MYH10: variants seen among roughly 807,000 people sequenced by gnomAD.
MYH10 encodes the protein myosin heavy chain 10, also known as myosin-10.
MYH10 carries 55 observed loss-of-function variants against 257.8 expected under a neutral mutation model. That is an observed-to-expected ratio of 0.21 (90% CI 0.17 to 0.27). MYH10 has a LOEUF of 0.27. Ranked by LOEUF, MYH10 falls within the 10% of genes least tolerant of loss-of-function variation. The pLI is 1.00. For synonymous variants in MYH10, 854 were observed against 921.7 expected, an observed-to-expected ratio of 0.93 and a Z score of 1.33; for missense variants, 1,631 against 2,500.6, an observed-to-expected ratio of 0.65 and a Z score of 7.42.
chr17:8,556,652 T>A (rs553374981), intron 7 of MYH10, among the ~76,000 whole-genome samples: 3 of 152,296 alleles, frequency 2.0e-5, no homozygotes, highest in African/African-American at 7.2e-5. Context: ...AAAAGAAACC[T>A]TTCTGGAGTA....
At chr17:8,548,135 C>T (rs548827878) in intron 11 of MYH10, among the ~76,000 whole-genome samples, 178 bp downstream of exon 11, 1 of 152,232 alleles carries the variant, frequency 6.6e-6, no homozygotes, top group Admixed American at 6.5e-5. Flanking sequence ...TACACCCTGT[C>T]CCCTGTCCTC....
intron 17 of MYH10, among the ~76,000 whole-genome samples, chr17:8,523,714 G>A (rs560373930): frequency 2.8e-4 from 42 of 152,300 alleles, no homozygotes; most frequent in Admixed American, 9.8e-4. Flanking sequence ...GGGTCTAGGC[G>A]ATGAGGGCAG....
At chr17:8,484,585 C>T (rs772606936) in intron 36 of MYH10, among the ~76,000 whole-genome samples, 4 of 152,058 alleles carry the variant, frequency 2.6e-5, no homozygotes, top group Non-Finnish European at 4.4e-5. Context: ...AAATCTTCAA[C>T]AGAATAGTAG....
chr17:8,528,277 C>T (rs945384166), intron 17 of MYH10, among the ~76,000 whole-genome samples: 6 of 152,152 alleles, frequency 3.9e-5, no homozygotes, highest in African/African-American at 1.2e-4. Context: ...GTCTCAATTA[C>T]CCTATTACCC....
At position 8,548,323 on chromosome 17, in the gene MYH10, T is replaced by C; in HGVS notation, c.1149A>G (p.Pro383=). 1 of 1,609,438 alleles carries C rather than the reference T, an allele frequency of 6.2e-7. No individual in the cohort carries two copies. The highest frequency in any genetic ancestry group is 8.5e-7 in the Non-Finnish European group (1 of 1,176,688). The stretch of plus-strand genomic sequence containing the variant: ...TATTCATCAGTTTACCTGTATTTTC[T>C]GGCATGGAAGCTTGATCAGTATTTC... ...KERNTDQASM[P]ENTVAQKLCH... Residue 383 remains proline, a synonymous_variant, in exon 11 of 43, where the codon CCA becomes CCG. Coordinates refer to ENST00000360416, the MANE Select transcript of MYH10 (RefSeq NM_001256012.3).
intron 3 of MYH10, among the ~76,000 whole-genome samples, chr17:8,589,749 G>C (rs1352740871): frequency 6.6e-6 from 1 of 152,164 alleles, no homozygotes; most frequent in Non-Finnish European, 1.5e-5. Context: ...TGATTTTAAA[G>C]TGATTAATAA....
chr17:8,501,295 A>G (rs1917467985), intron 28 of MYH10, among the ~76,000 whole-genome samples: 1 of 152,172 alleles, frequency 6.6e-6, no homozygotes, highest in Admixed American at 6.5e-5. Flanking sequence ...TCTTTAAAAA[A>G]AAACCAAAAA....
intron 14 of MYH10, among the ~76,000 whole-genome samples, chr17:8,540,504 C>T (rs1312573644): frequency 1.3e-5 from 2 of 152,072 alleles, no homozygotes; most frequent in African/African-American, 4.8e-5. Context: ...TTGTGAGACT[C>T]ATTTAAAGGT....
chr17:8,513,958 A>G, intron 21 of MYH10, 64 bp from the exon 22 acceptor site: 1 of 1,396,058 alleles, frequency 7.2e-7, no homozygotes, highest in East Asian at 2.5e-5. Flanking sequence ...TGTTGTCATA[A>G]GAAGCCTTTC....
chr17:8,475,831 GT>G lies in MYH10; in HGVS notation c.5996del (p.Asn1999ThrfsTer44). The G allele has an allele frequency of 6.2e-7, 1 of 1,614,172 alleles. No homozygotes were observed. Among genetic ancestry groups the G allele is most frequent in the Admixed American group, 1.7e-5 (1 of 60,012 alleles). ...DDTESKTSDV[N>X]ETQPPQSE ...ACTCTGACTGGGGTGGCTGCGTCTCGTTGACATCACTGGTCTTACTTTCTGT... is the reference window on the plus strand; with the variant it reads ...ACTCTGACTGGGGTGGCTGCGTCTCGTGACATCACTGGTCTTACTTTCTGT... On this transcript the variant is annotated frameshift_variant, in exon 43 of 43. Transcript: ENST00000360416. LOFTEE classifies it high-confidence loss of function.
Position 8,495,140 on chromosome 17 carries a change from T to C in MYH10, c.4053A>G (p.Thr1351=), listed in dbSNP as rs546912571. 1.0e-5 allele frequency: 16 copies of C among 1,579,602 alleles called. No individual in the cohort carries two copies. The East Asian group carries it at 2.9e-4, about 29-fold the overall frequency. The change falls in exon 31 of 43, where the codon ACA becomes ACG. Residue 1351 remains threonine (T), a synonymous_variant. Transcript: ENST00000360416. ...AASLESQLQD[T]QELLQEETRQ... is the part of the protein sequence containing the mutation. ...CCCCTTGCTCCCCAGGGAATACCTG[T>C]GTATCCTGTAGTTGAGACTCAAGAC...
At position 8,506,386 on chromosome 17, in the gene MYH10, C is replaced by T; in HGVS notation, c.3318G>A (p.Gln1106=). The change falls in exon 27 of 43, where the codon CAG becomes CAA. Residue 1106 remains glutamine (Q), a synonymous_variant. Transcript: ENST00000360416. The surrounding 1 kb of genome is among the most constrained non-coding windows in gnomAD (Gnocchi z 5.0). ...GCAGCTTGAGCTCATCAATCTGCGC[C>T]TGCAGCTCTGCGATCTGGTCCTGCA... ...TDLQDQIAEL[Q]AQIDELKLQL... is the part of the protein sequence containing the mutation. 2.5e-6 allele frequency: 4 copies of T among 1,611,924 alleles called. No homozygotes were observed. Among genetic ancestry groups the T allele is most frequent in the Non-Finnish European group, 2.5e-6 (3 of 1,179,402 alleles).
At chr17:8,568,591 A>T (rs1010695233) in intron 7 of MYH10, among the ~76,000 whole-genome samples, 1 of 151,972 alleles carries the variant, frequency 6.6e-6, no homozygotes, top group Non-Finnish European at 1.5e-5. Context: ...GAGCAGGGAG[A>T]AAAAAAAGGG....
intron 20 of MYH10, 33 bp downstream of exon 20, chr17:8,518,848 C>A (rs1199195528): frequency 1.2e-6 from 2 of 1,603,444 alleles, no homozygotes; most frequent in South Asian, 2.3e-5. Flanking sequence ...TAGATTAAAT[C>A]TACAAGCCAG....
intron 2 of MYH10, among the ~76,000 whole-genome samples, chr17:8,605,191 T>C (rs2084750983): frequency 6.6e-6 from 1 of 152,176 alleles, no homozygotes; most frequent in African/African-American, 2.4e-5. Flanking sequence ...GCTTATTAAG[T>C]GGCACTCTGC....
chr17:8,484,116 A>AACGG (rs770932856), intron 37 of MYH10, 22 bp downstream of exon 37: 8 of 888,946 alleles, frequency 9.0e-6, no homozygotes, highest in South Asian at 5.9e-5. Context: ...TTGTTGAACA[A>AACGG]ATGGATAAGT....
At chr17:8,571,179 G>GTTTTTTTTTTT (rs68138748) in intron 6 of MYH10, among the ~76,000 whole-genome samples, 1 of 144,688 alleles carries the variant, frequency 6.9e-6, no homozygotes, top group Non-Finnish European at 1.5e-5. Context: ...TAAAGTTTTT[G>GTTTTTTTTTTT]TTTTTTTTTT....
chr17:8,541,044 A>G (rs1452099028), intron 14 of MYH10, among the ~76,000 whole-genome samples: 1 of 152,214 alleles, frequency 6.6e-6, no homozygotes, highest in Admixed American at 6.5e-5. Context: ...AAAATTTTCT[A>G]TTGCTTTCCT....
chr17:8,525,625 G>A (rs946593231), intron 17 of MYH10, among the ~76,000 whole-genome samples: 3 of 152,180 alleles, frequency 2.0e-5, no homozygotes, highest in Non-Finnish European at 2.9e-5. Context: ...TAGCCTACAC[G>A]GGCAGTTCTT....
Sources: allele counts gnomAD v4.1 joint callset (sites outside exome capture counted in the v4.1 genomes callset), GRCh38; gene constraint gnomAD v4.1.1; non-coding constraint Gnocchi (gnomAD v3.1); transcripts MANE v1.5; gene names NCBI Gene and HGNC (gene_info 2026-07-23, HGNC 2026-07-21).